MYRIP: variants seen among roughly 807,000 people sequenced by gnomAD.
MYRIP encodes myosin VIIA and Rab interacting protein.
Under a neutral mutation model 98.0 loss-of-function variants are expected in MYRIP, and 49 were observed. The observed-to-expected ratio is 0.50, with a 90% CI of 0.40 to 0.63. The LOEUF is 0.63. MYRIP is among the 30% of genes least tolerant of loss of function. The pLI, the probability that MYRIP is intolerant of heterozygous loss-of-function variation, is 0.00. For synonymous variants in MYRIP, 404 were observed against 409.5 expected (o/e 0.99, Z 0.16); for missense variants, 1,004 against 1,058.2 (o/e 0.95, Z 0.71).
chr3:39,986,787 A>G (rs1239708235), intron 2 of MYRIP, among the ~76,000 whole-genome samples: 1 of 152,142 alleles, frequency 6.6e-6, no homozygotes, highest in Admixed American at 6.5e-5. Flanking sequence ...ACAAAGGCAT[A>G]TCTTCTTTTC....
intron 1 of MYRIP, among the ~76,000 whole-genome samples, chr3:39,845,892 C>A (rs188485596): frequency 6.6e-6 from 1 of 151,164 alleles, no homozygotes; most frequent in East Asian, 1.9e-4. Flanking sequence ...CCAGTAGTCA[C>A]CTGAAACTGA....
intron 2 of MYRIP, among the ~76,000 whole-genome samples, chr3:40,005,511 C>G (rs1391669869): frequency 1.3e-5 from 2 of 152,082 alleles, no homozygotes; most frequent in Non-Finnish European, 2.9e-5. Flanking sequence ...ATTAATAAGC[C>G]AAAACAATCA....
intron 3 of MYRIP, among the ~76,000 whole-genome samples, chr3:40,059,250 C>A (rs1369082635): frequency 6.6e-6 from 1 of 152,120 alleles, no homozygotes; most frequent in African/African-American, 2.4e-5. Context: ...CTTACGTTTG[C>A]ATGTGTCTTT....
chr3:40,207,648 A>T (rs866859083), intron 10 of MYRIP, among the ~76,000 whole-genome samples: 9 of 152,220 alleles, frequency 5.9e-5, no homozygotes, highest in Admixed American at 2.0e-4. Flanking sequence ...ATATCTTTTT[A>T]AAAAAGCAAG....
intron 2 of MYRIP, among the ~76,000 whole-genome samples, chr3:40,042,797 T>A (rs1257417838): frequency 1.3e-5 from 2 of 152,226 alleles, no homozygotes; most frequent in Non-Finnish European, 2.9e-5. Flanking sequence ...AAACCCATCA[T>A]AAGTTGAAAC....
chr3:40,040,432 G>A (rs1947484581), intron 2 of MYRIP, among the ~76,000 whole-genome samples: 2 of 107,372 alleles, frequency 1.9e-5, no homozygotes, highest in South Asian at 7.9e-4. Flanking sequence ...GATTCCTCAG[G>A]GATCTAGAAC....
intron 2 of MYRIP, 53 bp downstream of exon 2, chr3:39,900,979 G>A (rs545751824): frequency 7.9e-6 from 11 of 1,384,068 alleles, no homozygotes; most frequent in Admixed American, 3.4e-5. Flanking sequence ...GTGGACAAGC[G>A]TAACAGGTTT....
chr3:40,134,663 C>T (rs1377989427), intron 3 of MYRIP, among the ~76,000 whole-genome samples: 4 of 152,132 alleles, frequency 2.6e-5, no homozygotes, highest in South Asian at 2.1e-4. Context: ...CTCACACAGC[C>T]GGGTACTCCT....
intron 2 of MYRIP, among the ~76,000 whole-genome samples, chr3:40,018,718 C>T (rs1309162827): frequency 6.6e-6 from 1 of 152,136 alleles, no homozygotes; most frequent in Non-Finnish European, 1.5e-5. Context: ...TTCCCATAGG[C>T]CCAGTAATTA....
chr3:39,919,066 C>T (rs1944241275), intron 2 of MYRIP, among the ~76,000 whole-genome samples: 2 of 152,200 alleles, frequency 1.3e-5, no homozygotes, highest in Admixed American at 6.5e-5. Context: ...ATTTCCAGCC[C>T]TTCTGAAAAG....
intron 2 of MYRIP, among the ~76,000 whole-genome samples, chr3:39,928,321 A>G (rs903954259): frequency 2.6e-5 from 4 of 151,840 alleles, no homozygotes; most frequent in Admixed American, 2.6e-4. Context: ...AATTTATTCC[A>G]TAAAACTAGT....
At chr3:40,167,059 G>A (rs1424676311) in intron 6 of MYRIP, 100 bp from the exon 7 acceptor site, 1 of 1,379,876 alleles carries the variant, frequency 7.2e-7, no homozygotes, top group African/African-American at 1.4e-5. Flanking sequence ...CTAGAGCAAG[G>A]CCCTCCCTCT....
At chr3:40,041,307 T>G (rs1426497748) in intron 2 of MYRIP, among the ~76,000 whole-genome samples, 1 of 106,108 alleles carries the variant, frequency 9.4e-6, no homozygotes, top group Non-Finnish European at 2.0e-5. Context: ...TCCCCACAAA[T>G]TACTTGTAAA....
intron 1 of MYRIP, among the ~76,000 whole-genome samples, chr3:39,818,952 A>G (rs1941014894): frequency 6.6e-6 from 1 of 152,228 alleles, no homozygotes; most frequent in South Asian, 2.1e-4. Flanking sequence ...TGTATATATA[A>G]ATACCCTAAA....
chr3:39,971,421 A>G (rs1945580018), intron 2 of MYRIP, among the ~76,000 whole-genome samples: 1 of 152,084 alleles, frequency 6.6e-6, no homozygotes, highest in Non-Finnish European at 1.5e-5. Flanking sequence ...TTACAATAGT[A>G]TAGATAATAG....
chr3:39,827,446 G>A (rs1033579429), intron 1 of MYRIP, among the ~76,000 whole-genome samples: 5 of 152,056 alleles, frequency 3.3e-5, no homozygotes, highest in African/African-American at 4.8e-5. Flanking sequence ...CAGCCAATCT[G>A]TATCTTTTAA....
At chr3:40,089,815 C>A (rs1410235456) in intron 3 of MYRIP, among the ~76,000 whole-genome samples, 1 of 152,116 alleles carries the variant, frequency 6.6e-6, no homozygotes, top group Non-Finnish European at 1.5e-5. Flanking sequence ...CCTTAAAAAC[C>A]ATTTTCTATA....
At chr3:39,938,839 A>C (rs982529210) in intron 2 of MYRIP, among the ~76,000 whole-genome samples, 2 of 152,150 alleles carry the variant, frequency 1.3e-5, no homozygotes, top group Middle Eastern at 6.8e-3. Context: ...TGATGGTGCT[A>C]ATATAACAGA....
chr3:40,218,612 T>TTTTTATATATATATATATATATA, intron 11 of MYRIP, among the ~76,000 whole-genome samples: 1 of 13,562 alleles, frequency 7.4e-5, no homozygotes, highest in South Asian at 2.8e-3. Context: ...TATATATATT[T>TTTTTATATATATATATATATATA]TATATATATA....
Sources: gnomAD v4.1 joint callset for allele counts (sites outside exome capture counted in the v4.1 genomes callset) on GRCh38, gnomAD v4.1.1 for gene constraint, MANE v1.5 for transcripts, NCBI Gene and HGNC (gene_info 2026-07-23, HGNC 2026-07-21) for gene names.